NRG3: variants seen among roughly 807,000 people sequenced by gnomAD.
The protein encoded by NRG3 is neuregulin 3.
NRG3 carries 31 observed loss-of-function variants against 66.9 expected under a neutral mutation model. That is an observed-to-expected ratio of 0.46 (90% confidence interval 0.35 to 0.63). The LOEUF (loss-of-function observed/expected upper bound fraction) is 0.63. Ranked by LOEUF, NRG3 falls within the 20% of genes least tolerant of loss-of-function variation. The pLI is 0.00. For synonymous variants in NRG3, 393 were observed against 359.4 expected, an observed-to-expected ratio of 1.09 and a Z score of -1.06; for missense variants, 910 against 878.9, an observed-to-expected ratio of 1.04 and a Z score of -0.45.
chr10:82,677,745 A>G (rs1318212171), intron 2 of NRG3, among the ~76,000 whole-genome samples: 3 of 152,140 alleles, frequency 2.0e-5, no homozygotes, highest in Admixed American at 6.5e-5. Context: ...AGCAGGAATA[A>G]AAGTTTATTA....
At chr10:82,135,993 T>C (rs2069315381) in intron 1 of NRG3, among the ~76,000 whole-genome samples, 2 of 152,112 alleles carry the variant, frequency 1.3e-5, no homozygotes, top group African/African-American at 4.8e-5. Flanking sequence ...GAAAGGCTTT[T>C]CATGTATTCA....
At chr10:82,447,105 C>T (rs1190808873) in intron 2 of NRG3, among the ~76,000 whole-genome samples, 1 of 152,148 alleles carries the variant, frequency 6.6e-6, no homozygotes, top group African/African-American at 2.4e-5. Context: ...GCTGTTGTTG[C>T]CACTGCAAAC....
intron 1 of NRG3, among the ~76,000 whole-genome samples, chr10:81,912,716 G>T (rs1156216): frequency 0.3 from 45,796 of 152,038 alleles, 7,917 homozygotes; most frequent in East Asian, 0.58. Flanking sequence ...ATGGGGAGAC[G>T]AACTTTGTAG....
chr10:82,084,969 A>G (rs1002393784), intron 1 of NRG3, among the ~76,000 whole-genome samples: 2 of 152,152 alleles, frequency 1.3e-5, no homozygotes, highest in African/African-American at 4.8e-5. Context: ...AGACATATCT[A>G]GCTATGTTGG....
intron 1 of NRG3, among the ~76,000 whole-genome samples, chr10:82,182,727 CTTTATAT>C (rs1406280681): frequency 6.6e-6 from 1 of 151,776 alleles, no homozygotes; most frequent in Non-Finnish European, 1.5e-5. Context: ...TACCAGTGAA[CTTTATAT>C]TTTATATGTT....
At chr10:82,833,126 TG>T (rs2135690609) in intron 3 of NRG3, among the ~76,000 whole-genome samples, 1 of 152,236 alleles carries the variant, frequency 6.6e-6, no homozygotes, top group South Asian at 2.1e-4. Flanking sequence ...AAATTTTTCT[TG>T]GTCTTAAATA....
intron 1 of NRG3, among the ~76,000 whole-genome samples, chr10:81,967,089 TTA>T (rs1460291325): frequency 3.9e-5 from 6 of 152,006 alleles, no homozygotes; most frequent in East Asian, 1.9e-4. Context: ...ATTTATAACT[TTA>T]TGTTTTGATA....
At chr10:82,440,507 C>T (rs1373954888) in intron 2 of NRG3, among the ~76,000 whole-genome samples, 3 of 151,108 alleles carry the variant, frequency 2.0e-5, no homozygotes, top group East Asian at 1.9e-4. Flanking sequence ...TCCTGTGTCT[C>T]GGAGGCTTTG....
At chr10:82,720,635 G>A (rs1003835656) in intron 2 of NRG3, among the ~76,000 whole-genome samples, 8 of 148,528 alleles carry the variant, frequency 5.4e-5, no homozygotes, top group African/African-American at 1.6e-4. Context: ...TGTCATGAGG[G>A]TTACTTTACC....
At chr10:82,892,135 T>C (rs1843207261) in intron 4 of NRG3, among the ~76,000 whole-genome samples, 1 of 152,154 alleles carries the variant, frequency 6.6e-6, no homozygotes, top group Admixed American at 6.5e-5. Flanking sequence ...CTTTTAAATA[T>C]TGCTAGATAT....
At chr10:82,648,588 A>G (rs1264577028) in intron 2 of NRG3, among the ~76,000 whole-genome samples, 1 of 152,130 alleles carries the variant, frequency 6.6e-6, no homozygotes, top group Admixed American at 6.5e-5. Context: ...GCTATAAATT[A>G]CCTTGGGCAG....
intron 4 of NRG3, among the ~76,000 whole-genome samples, chr10:82,907,165 G>A (rs1234668654): frequency 1.3e-5 from 2 of 152,164 alleles, no homozygotes; most frequent in East Asian, 3.9e-4. Context: ...TACCCTTCAT[G>A]CCTCTAGAGA....
chr10:82,876,093 G>C (rs1447412512), intron 4 of NRG3, among the ~76,000 whole-genome samples: 1 of 152,204 alleles, frequency 6.6e-6, no homozygotes, highest in East Asian at 1.9e-4. Context: ...TTTAAAATCA[G>C]CTAATAAAAT....
rs979613278 is a variant in NRG3, at chr10:82,624,916, T to TA, written c.954-113661_954-113660insA. ...TGATAAATATAAATATATATATATA[T>TA]TTTATATATATATATATATAAAATG... On this transcript the variant is annotated intron_variant, in intron 2 of 8. Transcript: ENST00000372141. 2.6e-4 allele frequency among the ~76,000 whole-genome samples: 38 copies of TA among 146,582 alleles called. No homozygotes were observed. The South Asian group carries it at 4.2e-3, about 16-fold the overall frequency.
At chr10:82,356,431 C>T (rs2083784150) in intron 1 of NRG3, among the ~76,000 whole-genome samples, 1 of 152,266 alleles carries the variant, frequency 6.6e-6, no homozygotes, top group East Asian at 1.9e-4. Flanking sequence ...GTCAACTGTG[C>T]ACCGTTTCAT....
intron 2 of NRG3, among the ~76,000 whole-genome samples, chr10:82,360,561 C>A (rs1359864023): frequency 3.9e-5 from 6 of 152,168 alleles, no homozygotes; most frequent in Admixed American, 3.9e-4. Flanking sequence ...AAAACTGAGA[C>A]TATCAGGAGA....
chr10:82,002,536 G>C (rs1038372403), intron 1 of NRG3, among the ~76,000 whole-genome samples: 1 of 152,134 alleles, frequency 6.6e-6, no homozygotes, highest in Non-Finnish European at 1.5e-5. Context: ...TTTGCATTTG[G>C]TACAGTATAA....
rs186010479 is a variant in NRG3 at position 82,164,293 on chromosome 10, G to A, written c.824-194446G>A. ...ATATTTTGTTACATGCATAGAATGTGTAATGATCAACTCAGGATATTTAGG... is the reference window on the plus strand; with the variant it reads ...ATATTTTGTTACATGCATAGAATGTATAATGATCAACTCAGGATATTTAGG... On this transcript the variant is annotated intron_variant, in intron 1 of 8. Coordinates refer to ENST00000372141, the MANE Select transcript of NRG3 (RefSeq NM_001010848.4). Among the ~76,000 whole-genome samples the A allele has an allele frequency of 2.2e-3, 339 of 152,204 alleles. 1 individual carries two copies. Among genetic ancestry groups the A allele is most frequent in the African/African-American group, 6.9e-3 (285 of 41,534 alleles).
chr10:82,526,568 AAAT>A (rs1421611762), intron 2 of NRG3, among the ~76,000 whole-genome samples: 21 of 151,996 alleles, frequency 1.4e-4, no homozygotes, highest in Non-Finnish European at 3.1e-4. Flanking sequence ...TCAAAAGTAC[AAAT>A]AATAATCAAA....
Sources: gnomAD v4.1 joint callset for allele counts (sites outside exome capture counted in the v4.1 genomes callset) on GRCh38, gnomAD v4.1.1 for gene constraint, MANE v1.5 for transcripts, NCBI Gene and HGNC (gene_info 2026-07-23, HGNC 2026-07-21) for gene names.